The following IRAG1 variants were observed in gnomAD, a reference collection of about 807,000 sequenced individuals.
IRAG1 encodes the protein IP3R-associated cGMP kinase substrate.
IRAG1 carries 62 observed loss-of-function variants against 106.2 expected under a neutral mutation model. The observed-to-expected ratio is 0.58, with a 90% CI of 0.48 to 0.72. The LOEUF (loss-of-function observed/expected upper bound fraction) is 0.72, where lower values mean the gene tolerates loss of function less well. Among genes scored for constraint, IRAG1 ranks in the 30% least tolerant of loss-of-function variants. IRAG1 has a pLI of 0.00. For missense variants in IRAG1, 1,064 were observed against 1,140.7 expected (o/e 0.93, Z 0.97); for synonymous variants, 462 against 443.9 (o/e 1.04, Z -0.51).
At chr11:10,685,416 CA>C (rs375363531) in intron 1 of IRAG1, among the ~76,000 whole-genome samples, 133 of 136,546 alleles carry the variant, frequency 9.7e-4, no homozygotes, top group Non-Finnish European at 9.1e-4. Context: ...ATTCCGTTCC[CA>C]AAAAAAAAAA....
At chr11:10,578,219 T>A (rs1002950261) in intron 20 of IRAG1, among the ~76,000 whole-genome samples, 8 of 152,220 alleles carry the variant, frequency 5.3e-5, no homozygotes, top group Non-Finnish European at 1.2e-4. Flanking sequence ...ATAAGTAAAC[T>A]TCTGTTTCCT....
chr11:10,629,869 C>T (rs1856552900), intron 4 of IRAG1, 158 bp from the exon 5 acceptor site: 3 of 694,344 alleles, frequency 4.3e-6, no homozygotes, highest in Admixed American at 2.9e-5. Context: ...TGGGGACAGA[C>T]AGTGGCTTCC....
intron 7 of IRAG1, 24 bp from the exon 8 acceptor site, chr11:10,627,784 T>C: frequency 6.2e-7 from 1 of 1,613,142 alleles, no homozygotes; most frequent in Non-Finnish European, 8.5e-7. Flanking sequence ...TGAACAGGAG[T>C]CAGTCAGCAA....
intron 10 of IRAG1, among the ~76,000 whole-genome samples, chr11:10,616,643 C>T (rs971321948): frequency 4.6e-5 from 7 of 152,226 alleles, no homozygotes; most frequent in African/African-American, 1.4e-4. Flanking sequence ...GAAGCAGTTA[C>T]CAAAATTCAG....
chr11:10,603,197 G>A lies in IRAG1; in HGVS notation c.1798C>T (p.Leu600=). The A allele has an allele frequency of 1.9e-6, 3 of 1,613,302 alleles. No homozygotes were observed. Among genetic ancestry groups the A allele is most frequent in the Non-Finnish European group, 2.5e-6 (3 of 1,179,682 alleles). ...CEHRETYQKL[L]EDIAVLHRLA... is the part of the protein sequence containing the mutation. ...CGGTGCAGGACAGCGATGTCCTCCA[G>A]CAACTTCTGGTAGGTTTCCCGGTGC... Residue 600 remains leucine, a synonymous_variant, in exon 14 of 21, where the codon CTG becomes TTG. Transcript: ENST00000423302.
At chr11:10,678,084 A>G (rs554318298) in intron 1 of IRAG1, among the ~76,000 whole-genome samples, 1 of 152,278 alleles carries the variant, frequency 6.6e-6, no homozygotes, top group Admixed American at 6.5e-5. Flanking sequence ...ATCAGGTGAT[A>G]GACATTCGTG....
rs1268061448 is a variant in IRAG1 at position 10,647,923 on chromosome 11, G to A, written c.225+4102C>T. ...CAGAACTGCCTTTCTGCATCTGTAG[G>A]ATTTCACCCCACTATAGGTTGTATG... is the stretch of plus-strand genomic sequence containing the variant. On this transcript the variant is annotated intron_variant, in intron 2 of 20. Coordinates refer to ENST00000423302, the MANE Select transcript of IRAG1 (RefSeq NM_130385.4). This position sits in a 1 kb window ranked among gnomAD's most constrained non-coding sequence, Gnocchi z 4.3. Among the ~76,000 whole-genome samples, 2 of 152,176 alleles carry A rather than the reference G, an allele frequency of 1.3e-5. No individual in the cohort carries two copies. The highest frequency in any genetic ancestry group is 2.9e-5 in the Non-Finnish European group (2 of 68,024).
chr11:10,577,587 A>G (rs1005476854), intron 20 of IRAG1, among the ~76,000 whole-genome samples: 1 of 152,236 alleles, frequency 6.6e-6, no homozygotes, highest in African/African-American at 2.4e-5. Context: ...GGAGGTGGGG[A>G]AAGTGATAGA....
chr11:10,593,648 C>T (rs759700286), intron 16 of IRAG1, 49 bp from the exon 17 acceptor site: 2 of 1,389,698 alleles, frequency 1.4e-6, no homozygotes, highest in East Asian at 4.6e-5. Context: ...GTAGCAATAG[C>T]CATAGTTCAG....
chr11:10,582,926 G>C (rs1010902690), intron 18 of IRAG1, among the ~76,000 whole-genome samples: 1 of 152,214 alleles, frequency 6.6e-6, no homozygotes, highest in Non-Finnish European at 1.5e-5. Context: ...CTGCACTCCA[G>C]CCTGGATGAC....
At chr11:10,611,728 A>G (rs1330664276) in intron 10 of IRAG1, 2 of 152,248 alleles carry the variant, frequency 1.3e-5, no homozygotes, top group Non-Finnish European at 2.9e-5. Context: ...CTTCTTCTCC[A>G]AAGAATCAGT....
At chr11:10,635,645 T>C (rs892614801) in intron 2 of IRAG1, among the ~76,000 whole-genome samples, 3 of 152,196 alleles carry the variant, frequency 2.0e-5, no homozygotes, top group African/African-American at 4.8e-5. Flanking sequence ...TTATGCCTTG[T>C]TGTGAAATGG....
chr11:10,638,507 C>CT (rs1857296596), intron 2 of IRAG1, among the ~76,000 whole-genome samples: 1 of 123,952 alleles, frequency 8.1e-6, no homozygotes, highest in South Asian at 2.6e-4. Context: ...AATGGAAACT[C>CT]TGACTGTGCT....
At chr11:10,677,651 C>T (rs1320178880) in intron 1 of IRAG1, among the ~76,000 whole-genome samples, 1 of 152,178 alleles carries the variant, frequency 6.6e-6, no homozygotes, top group Non-Finnish European at 1.5e-5. Flanking sequence ...ATCATTTTAA[C>T]CATTTTGAAG....
At chr11:10,653,205 G>A (rs1858662938) in intron 1 of IRAG1, among the ~76,000 whole-genome samples, 1 of 152,184 alleles carries the variant, frequency 6.6e-6, no homozygotes, top group Non-Finnish European at 1.5e-5. Context: ...GCTTCCATGA[G>A]GAAAGCCAGA....
chr11:10,593,491 C>A lies in IRAG1; in HGVS notation c.2175+1G>T, dbSNP rs1172906155. ...TGGGAGGCAGACATCGTCATACTTACCAAGGCTGGTAAGGAGGGAATGGAT... is the reference window on the plus strand; with the variant it reads ...TGGGAGGCAGACATCGTCATACTTAACAAGGCTGGTAAGGAGGGAATGGAT... On this transcript the variant is annotated splice_donor_variant, in intron 17 of 20. Coordinates refer to ENST00000423302, the MANE Select transcript of IRAG1 (RefSeq NM_130385.4). LOFTEE classifies it high-confidence loss of function. 9 of 1,612,252 alleles carry A rather than the reference C, an allele frequency of 5.6e-6. No individual in the cohort carries two copies. In the Admixed American group the frequency reaches 1.5e-4, roughly 27 times the overall value.
intron 2 of IRAG1, among the ~76,000 whole-genome samples, chr11:10,634,760 T>TGTGTGTGTGC (rs1187311555): frequency 1.2e-4 from 9 of 74,658 alleles, no homozygotes; most frequent in South Asian, 3.5e-4. Flanking sequence ...TTCTTGTGTG[T>TGTGTGTGTGC]GTGTGTGTGT....
chr11:10,648,893 C>T lies in IRAG1; in HGVS notation c.225+3132G>A, dbSNP rs12280765. 7.4e-3 allele frequency among the ~76,000 whole-genome samples: 1,127 copies of T among 152,212 alleles called. 12 individuals carry two copies. The highest frequency in any genetic ancestry group is 0.025 in the African/African-American group (1,050 of 41,512). Reference sequence around the variant, plus strand: ...TTTGTGTTTGTGTGTGAGAAGGCCTCGGCTAGTGCTCATGCCAGTGATGGG... The same window carrying T: ...TTTGTGTTTGTGTGTGAGAAGGCCTTGGCTAGTGCTCATGCCAGTGATGGG... On this transcript the variant is annotated intron_variant, in intron 2 of 20. Coordinates refer to ENST00000423302, the MANE Select transcript of IRAG1 (RefSeq NM_130385.4).
chr11:10,631,139 C>T (rs572812725), intron 4 of IRAG1, among the ~76,000 whole-genome samples: 1 of 152,302 alleles, frequency 6.6e-6, no homozygotes, highest in African/African-American at 2.4e-5. Flanking sequence ...TGCTAATAAC[C>T]CACTTTGAGC....
Sources: gnomAD v4.1 joint callset for allele counts (sites outside exome capture counted in the v4.1 genomes callset) on GRCh38, gnomAD v4.1.1 for gene constraint, Gnocchi (gnomAD v3.1) non-coding constraint, MANE v1.5 for transcripts, NCBI Gene and HGNC (gene_info 2026-07-23, HGNC 2026-07-21) for gene names.